Variants in SPATA13 observed in about 807,000 individuals in gnomAD.
SPATA13 encodes spermatogenesis-associated protein 13.
Under a neutral mutation model 104.0 loss-of-function variants are expected in SPATA13, and 50 were observed. That is an observed-to-expected ratio of 0.48 (90% CI 0.38 to 0.61). The LOEUF (loss-of-function observed/expected upper bound fraction) is 0.61, where lower values mean the gene tolerates loss of function less well. Ranked by LOEUF, SPATA13 falls within the 20% of genes least tolerant of loss-of-function variation. The probability of loss-of-function intolerance (pLI) is 0.00; values close to 1 mark genes in which losing one functional copy is unlikely to be tolerated. For missense variants in SPATA13, 1,524 were observed against 1,690.6 expected (o/e 0.90, Z 1.73); for synonymous variants, 606 against 667.5 (o/e 0.91, Z 1.42).
intron 11 of SPATA13, 96 bp downstream of exon 11, chr13:24,297,831 C>T: frequency 1.4e-6 from 2 of 1,418,488 alleles, no homozygotes; most frequent in East Asian, 2.4e-5. Flanking sequence ...AGCCTTCTCC[C>T]TCAGAGCTGA....
intron 2 of SPATA13, among the ~76,000 whole-genome samples, chr13:24,242,588 A>G (rs1872907679): frequency 6.6e-6 from 1 of 152,172 alleles, no homozygotes; most frequent in South Asian, 2.1e-4. Flanking sequence ...TCATCGTAAA[A>G]TGGGGGTAAT....
At chr13:24,234,743 G>T (rs904546830) in intron 2 of SPATA13, among the ~76,000 whole-genome samples, 1 of 152,164 alleles carries the variant, frequency 6.6e-6, no homozygotes, top group Non-Finnish European at 1.5e-5. Context: ...GATTGGAGAG[G>T]ATATAGCACT....
chr13:24,215,311 T>C (rs149421430), intron 1 of SPATA13, among the ~76,000 whole-genome samples: 28 of 152,272 alleles, frequency 1.8e-4, no homozygotes, highest in African/African-American at 6.7e-4. Context: ...CAGTTTAAAT[T>C]AGAAGCAGAA....
rs141460404 is a variant in SPATA13, at chr13:24,143,412, A to G, written c.-111-79407A>G. Among the ~76,000 whole-genome samples, 6 of 152,322 alleles carry G rather than the reference A, an allele frequency of 3.9e-5. No individual in the cohort carries two copies. The East Asian group carries it at 1.2e-3, about 29-fold the overall frequency. On this transcript the variant is annotated intron_variant, in intron 3 of 14. Coordinates refer to the SPATA13 transcript ENST00000424834. Reference sequence around the variant, plus strand: ...AGGGTTGCAAGGGGAAGGCATTAGAATAGAGGTTTTGTGTTGATAAAAATC... The same window carrying G: ...AGGGTTGCAAGGGGAAGGCATTAGAGTAGAGGTTTTGTGTTGATAAAAATC...
chr13:24,159,675 C>A (rs1258798162), upstream of SPATA13, among the ~76,000 whole-genome samples: 1 of 152,044 alleles, frequency 6.6e-6, no homozygotes, highest in Admixed American at 6.6e-5. Flanking sequence ...TGACATGAAG[C>A]CACCATTATA....
At chr13:24,196,746 A>G (rs1870079453) in intron 1 of SPATA13, among the ~76,000 whole-genome samples, 1 of 152,202 alleles carries the variant, frequency 6.6e-6, no homozygotes, top group Admixed American at 6.5e-5. Flanking sequence ...GTCAAAACAA[A>G]ACAAAACACA....
chr13:24,171,315 A>G (rs1392105002), intron 1 of SPATA13, among the ~76,000 whole-genome samples: 1 of 152,052 alleles, frequency 6.6e-6, no homozygotes, highest in African/African-American at 2.4e-5. Context: ...TGAAGTCGTG[A>G]CCCTTGTCTC....
chr13:24,254,980 C>T (rs192246366), intron 4 of SPATA13, among the ~76,000 whole-genome samples: 86 of 152,268 alleles, frequency 5.6e-4, no homozygotes, highest in African/African-American at 2.0e-3. Context: ...TCATGCTCTG[C>T]GGGTATTCTG....
chr13:24,045,470 C>T (rs1234712605), intron 3 of SPATA13, among the ~76,000 whole-genome samples: 3 of 4,348 alleles, frequency 6.9e-4, no homozygotes, highest in African/African-American at 7.4e-4. Flanking sequence ...ATGCCCTAAA[C>T]AAGCTAAGAT....
chr13:24,157,948 G>A (rs1246741777), upstream of SPATA13, among the ~76,000 whole-genome samples: 1 of 152,150 alleles, frequency 6.6e-6, no homozygotes, highest in Non-Finnish European at 1.5e-5. Flanking sequence ...TGTACCTCAA[G>A]GATTGTCTTG....
At chr13:24,020,270 A>G (rs1008210246) in intron 3 of SPATA13, among the ~76,000 whole-genome samples, 2 of 152,226 alleles carry the variant, frequency 1.3e-5, no homozygotes, top group Non-Finnish European at 2.9e-5. Context: ...ATTTCATTTT[A>G]TAGTTAGAGT....
At chr13:24,170,804 G>C (rs559799857) in intron 1 of SPATA13, among the ~76,000 whole-genome samples, 1 of 152,194 alleles carries the variant, frequency 6.6e-6, no homozygotes, top group Admixed American at 6.5e-5. Context: ...GAAAGACCTG[G>C]AAGCACCCTT....
chr13:24,277,241 G>A (rs1030104225), intron 4 of SPATA13, among the ~76,000 whole-genome samples: 14 of 152,060 alleles, frequency 9.2e-5, no homozygotes, highest in African/African-American at 2.9e-4. Context: ...TCAGGAGATC[G>A]AGACCATCCT....
intron 3 of SPATA13, among the ~76,000 whole-genome samples, chr13:24,143,804 G>C: frequency 6.6e-6 from 1 of 152,188 alleles, no homozygotes; most frequent in East Asian, 1.9e-4. Context: ...TCTGAGATGT[G>C]ACCTCTAAGA....
rs148968420 is a variant in SPATA13 at position 24,012,846 on chromosome 13, G to A, written c.-146-4821G>A. ...ACAGTGGCATCTGTTTGGTTTATGCGTCTGCAGGTCGGGGCTTTCACGGGC... is the reference window on the plus strand; with the variant it reads ...ACAGTGGCATCTGTTTGGTTTATGCATCTGCAGGTCGGGGCTTTCACGGGC... On this transcript the variant is annotated intron_variant, in intron 2 of 14. Coordinates refer to the SPATA13 transcript ENST00000424834. 9.7e-4 allele frequency among the ~76,000 whole-genome samples: 147 copies of A among 152,328 alleles called. 1 individual carries two copies. Among genetic ancestry groups the A allele is most frequent in the South Asian group, 5.4e-3 (26 of 4,830 alleles).
chr13:24,186,987 A>G (rs988802631), intron 1 of SPATA13, among the ~76,000 whole-genome samples: 2 of 152,210 alleles, frequency 1.3e-5, no homozygotes, highest in Admixed American at 1.3e-4. Flanking sequence ...GATTTATGCA[A>G]ACTGAGAAGA....
intron 3 of SPATA13, among the ~76,000 whole-genome samples, chr13:24,049,713 G>T (rs1467673319): frequency 6.6e-6 from 1 of 152,132 alleles, no homozygotes. Flanking sequence ...GGGAGTGGAT[G>T]ATCTGTTTGT....
At chr13:24,008,295 G>C (rs913925274) in intron 2 of SPATA13, among the ~76,000 whole-genome samples, 1 of 152,250 alleles carries the variant, frequency 6.6e-6, no homozygotes, top group East Asian at 1.9e-4. Flanking sequence ...TGTGGGCTGA[G>C]GGGCTCTTCT....
At chr13:24,254,241 A>G (rs1873665231) in intron 4 of SPATA13, 1 of 152,170 alleles carries the variant, frequency 6.6e-6, no homozygotes, top group African/African-American at 2.4e-5. Context: ...CTTGGGCACT[A>G]AATTCAGTTT....
Sources: allele counts gnomAD v4.1 joint callset (sites outside exome capture counted in the v4.1 genomes callset), GRCh38; gene constraint gnomAD v4.1.1; transcripts MANE v1.5; gene names NCBI Gene and HGNC (gene_info 2026-07-23, HGNC 2026-07-21).